Variants in KPNA2 observed in about 807,000 individuals in gnomAD.
KPNA2 encodes importin subunit alpha-1.
Under a neutral mutation model 53.7 loss-of-function variants are expected in KPNA2, and 20 were observed. The observed-to-expected ratio is 0.37, with a 90% confidence interval of 0.26 to 0.54. The LOEUF is 0.54. Ranked by LOEUF, KPNA2 falls within the 20% of genes least tolerant of loss-of-function variation. KPNA2 has a pLI of 0.83. For synonymous variants in KPNA2, 238 were observed against 227.5 expected (o/e 1.05, Z -0.42); for missense variants, 515 against 640.3 (o/e 0.80, Z 2.11).
chr17:68,043,379 G>C lies in KPNA2; in HGVS notation c.930+16G>C. Reference sequence around the variant, plus strand: ...GCCAATTGTGGTAAGTTATTTACTTGTAGATTAGGACATAAGTATAAGAAG... The same window carrying C: ...GCCAATTGTGGTAAGTTATTTACTTCTAGATTAGGACATAAGTATAAGAAG... On this transcript the variant is annotated intron_variant, in intron 7 of 10. Transcript: ENST00000330459. The C allele has an allele frequency of 6.2e-7, 1 of 1,612,526 alleles. No homozygotes were observed. Among genetic ancestry groups the C allele is most frequent in the African/African-American group, 1.3e-5 (1 of 74,930 alleles).
Position 68,043,308 on chromosome 17 carries a change from C to G in KPNA2, c.875C>G (p.Thr292Arg), listed in dbSNP as rs370782486. The G allele has an allele frequency of 2.5e-6, 4 of 1,614,028 alleles. No individual in the cohort carries two copies. The highest frequency in any genetic ancestry group is 3.4e-6 in the Non-Finnish European group (4 of 1,180,036). The change falls in exon 7 of 11, where the codon ACA (threonine) becomes AGA (arginine). Residue 292 changes from threonine to arginine, a missense_variant. Transcript: ENST00000330459. ...GAACGAATTGGCATGGTGGTGAAAACAGGAGTTGTGCCCCAACTTGTGAAG... is the reference window on the plus strand; with the variant it reads ...GAACGAATTGGCATGGTGGTGAAAAGAGGAGTTGTGCCCCAACTTGTGAAG... ...PNERIGMVVK[T>R]GVVPQLVKLL...
Position 68,043,092 on chromosome 17 carries a change from TC to T in KPNA2, c.667-3del. On this transcript the variant is annotated splice_polypyrimidine_tract_variant and splice_region_variant and intron_variant, in intron 6 of 10. Coordinates refer to ENST00000330459, the MANE Select transcript of KPNA2 (RefSeq NM_002266.4). ...AGAACCTCTCATTGCCTATTTTTTT[TC>T]CCCCAGTGTGGCTACTTACGTAATC... The T allele has an allele frequency of 6.2e-7, 1 of 1,613,736 alleles. No homozygotes were observed. The highest frequency in any genetic ancestry group is 1.1e-5 in the South Asian group (1 of 91,066).
intron 3 of KPNA2, 33 bp from the exon 4 acceptor site, chr17:68,040,645 A>G: frequency 7.2e-7 from 1 of 1,389,366 alleles, no homozygotes; most frequent in South Asian, 1.2e-5. Context: ...TTTAATCTTA[A>G]TGATAATGTG....
chr17:68,037,302 CACTT>C (rs782311476), intron 2 of KPNA2, 52 bp from the exon 3 acceptor site: 10 of 1,589,406 alleles, frequency 6.3e-6, no homozygotes, highest in East Asian at 2.2e-5. Flanking sequence ...AAAATGCCCT[CACTT>C]AGCAACAAAA....
chr17:68,037,480 A>G lies in KPNA2; in HGVS notation c.198A>G (p.Glu66=). The change falls in exon 3 of 11, where the codon GAA becomes GAG. Residue 66 remains glutamate (E), a synonymous_variant. Coordinates refer to ENST00000330459, the MANE Select transcript of KPNA2 (RefSeq NM_002266.4). ...ATGATGCTACTTCTCCGCTGCAGGAAAACCGCAACAACCAGGTAAAAAATG... is the reference window on the plus strand; with the variant it reads ...ATGATGCTACTTCTCCGCTGCAGGAGAACCGCAACAACCAGGTAAAAAATG... The part of the protein sequence containing the change: ...FPDDATSPLQ[E]NRNNQGTVNW... 6.2e-7 allele frequency: 1 copy of G among 1,612,698 alleles called. No individual in the cohort carries two copies.
chr17:68,044,145 G>C, intron 8 of KPNA2, 74 bp downstream of exon 8: 3 of 1,388,030 alleles, frequency 2.2e-6, no homozygotes, highest in Non-Finnish European at 3.1e-6. Flanking sequence ...GCTTCTTCAC[G>C]TGCAAGAATC....
Position 68,043,167 on chromosome 17 carries a change from C to A in KPNA2, c.734C>A (p.Pro245Gln). 6.2e-7 allele frequency: 1 copy of A among 1,614,090 alleles called. No individual in the cohort carries two copies. Among genetic ancestry groups the A allele is most frequent in the East Asian group, 2.2e-5 (1 of 44,874 alleles). The part of the protein sequence containing the change: ...NLCRNKNPAP[P>Q]IDAVEQILPT... ...TGCCGCAACAAGAATCCTGCACCCC[C>A]GATAGATGCTGTTGAGCAGATTCTT... Residue 245 changes from proline (P) to glutamine (Q), a missense_variant, in exon 7 of 11, where the codon CCG becomes CAG. By Grantham distance (76) the Pro-to-Gln change is moderately conservative. Coordinates refer to ENST00000330459, the MANE Select transcript of KPNA2 (RefSeq NM_002266.4).
chr17:68,045,586 G>A lies in KPNA2; in HGVS notation c.1348-186G>A. 1.0e-5 allele frequency: 5 copies of A among 498,012 alleles called. No homozygotes were observed. The East Asian group carries it at 1.5e-4, about 15-fold the overall frequency. The allele number at this position is 498,012 out of a possible 1,614,324, so 30.8% of individuals were successfully genotyped here. ...CCAGTTGAAGTAGTGCTAAAAGCAGGTACAGATCCAATCACATTGAGTGTC... is the reference window on the plus strand; with the variant it reads ...CCAGTTGAAGTAGTGCTAAAAGCAGATACAGATCCAATCACATTGAGTGTC... On this transcript the variant is annotated intron_variant, in intron 9 of 10. Transcript: ENST00000330459.
intron 3 of KPNA2, among the ~76,000 whole-genome samples, chr17:68,039,853 A>G (rs535868222): frequency 3.5e-4 from 53 of 151,368 alleles, no homozygotes; most frequent in African/African-American, 1.3e-3. Context: ...CAGGTGGATC[A>G]CCTGAGGTTG....
chr17:68,046,793 G>C lies in KPNA2; in HGVS notation c.*197G>C, dbSNP rs2071336600. 2.4e-6 allele frequency: 1 copy of C among 422,762 alleles called. No homozygotes were observed. The highest frequency in any genetic ancestry group is 4.4e-5 in the South Asian group (1 of 22,500). 26.2% of individuals were successfully genotyped at this position (422,762 alleles called of 1,614,324 possible). On this transcript the variant is annotated 3_prime_UTR_variant, in exon 11 of 11. Transcript: ENST00000330459. ...TGACTAGGTTTCTAATTTCTATGTG[G>C]AATTTCCTATCTTGCAGCATCCTGT...
At chr17:68,041,497 T>G (rs1223155949) in intron 4 of KPNA2, among the ~76,000 whole-genome samples, 1 of 152,188 alleles carries the variant, frequency 6.6e-6, no homozygotes, top group Non-Finnish European at 1.5e-5. Flanking sequence ...AGGCGGAGGT[T>G]GCAGTGAGCT....
In KPNA2 at chr17:68,042,898, T is replaced by G. The variant is rs782242481; in HGVS notation, c.572-7T>G. On this transcript the variant is annotated splice_polypyrimidine_tract_variant and splice_region_variant and intron_variant, in intron 5 of 10. Transcript: ENST00000330459. ...AAAAAAAAAATTAATCTTGCCTTTT[T>G]TTTCAGGTGATGGCTCAGTGTTCCG... is the stretch of plus-strand genomic sequence containing the variant. 6.3e-7 allele frequency: 1 copy of G among 1,593,196 alleles called. No homozygotes were observed.
intron 10 of KPNA2, 120 bp from the exon 11 acceptor site, chr17:68,046,381 TATC>T (rs782746719): frequency 3.9e-5 from 24 of 613,648 alleles, no homozygotes; most frequent in East Asian, 2.9e-4. Flanking sequence ...AATACTATAA[TATC>T]ATACAGGATT....
rs2071267953 is a variant in KPNA2, at chr17:68,042,162, T to C, written c.380T>C (p.Phe127Ser). ...GGTTTGATTCCGAAATTTGTGTCCTTCTTGGGCAGAACTGATTGTAGTCCC... is the reference window on the plus strand; with the variant it reads ...GGTTTGATTCCGAAATTTGTGTCCTCCTTGGGCAGAACTGATTGTAGTCCC... Reference protein sequence around the residue: ...RAGLIPKFVSFLGRTDCSPIQ... With the variant: ...RAGLIPKFVSSLGRTDCSPIQ... Residue 127 changes from phenylalanine (F) to serine (S), a missense_variant, in exon 5 of 11, where the codon TTC (phenylalanine) becomes TCC (serine). By Grantham distance (155) the Phe-to-Ser change is radical. Coordinates refer to ENST00000330459, the MANE Select transcript of KPNA2 (RefSeq NM_002266.4). The C allele has an allele frequency of 4.3e-6, 7 of 1,613,880 alleles. No homozygotes were observed. The highest frequency in any genetic ancestry group is 2.2e-5 in the South Asian group (2 of 91,084).
intron 9 of KPNA2, 23 bp downstream of exon 9, chr17:68,044,526 T>G: frequency 6.3e-7 from 1 of 1,590,812 alleles, no homozygotes. Flanking sequence ...AAGGTGGCTT[T>G]GTTTGAATTT....
At chr17:68,042,762 G>C in intron 5 of KPNA2, 143 bp from the exon 6 acceptor site, 1 of 697,016 alleles carries the variant, frequency 1.4e-6, no homozygotes. Flanking sequence ...GGCGCCTGAG[G>C]CTGAGGCAGG....
intron 9 of KPNA2, 65 bp from the exon 10 acceptor site, chr17:68,045,704 TTGA>T: frequency 8.6e-7 from 1 of 1,168,376 alleles, no homozygotes; most frequent in Non-Finnish European, 1.2e-6. Flanking sequence ...ATTCAAATTA[TTGA>T]TGTTTTCTTC....
chr17:68,042,442 C>T, intron 5 of KPNA2, 89 bp downstream of exon 5: 1 of 1,365,254 alleles, frequency 7.3e-7, no homozygotes, highest in Non-Finnish European at 1.0e-6. Flanking sequence ...GTGACTTTGT[C>T]AAGTTTTGAG....
chr17:68,043,112 C>G lies in KPNA2; in HGVS notation c.679C>G (p.Arg227Gly), dbSNP rs782396125. 3.1e-6 allele frequency: 5 copies of G among 1,613,912 alleles called. No individual in the cohort carries two copies. Among genetic ancestry groups the G allele is most frequent in the African/African-American group, 2.7e-5 (2 of 74,868 alleles). Residue 227 changes from arginine (R) to glycine (G), a missense_variant, in exon 7 of 11, where the codon CGT (arginine) becomes GGT (glycine). By Grantham distance (125) the Arg-to-Gly change is moderately radical. Transcript: ENST00000330459. The stretch of plus-strand genomic sequence containing the variant: ...TTTTTTCCCCCAGTGTGGCTACTTA[C>G]GTAATCTTACCTGGACACTTTCTAA... ...DMSSLACGYLRNLTWTLSNLC... is the reference protein window; with the variant it reads ...DMSSLACGYLGNLTWTLSNLC...
Sources: allele counts gnomAD v4.1 joint callset (sites outside exome capture counted in the v4.1 genomes callset), GRCh38; gene constraint gnomAD v4.1.1; transcripts MANE v1.5; gene names NCBI Gene and HGNC (gene_info 2026-07-23, HGNC 2026-07-21).